The following CNBD1 variants were observed in gnomAD, a reference collection of about 807,000 sequenced individuals.
CNBD1 encodes cyclic nucleotide-binding domain-containing protein 1.
A neutral mutation model predicts 54.4 loss-of-function variants in CNBD1; 71 were observed. The observed-to-expected ratio is 1.30, with a 90% CI of 1.08 to 1.59. CNBD1 has a LOEUF of 1.59. Ranked by LOEUF, CNBD1 falls within the 40% of genes most tolerant of loss-of-function variation. The pLI is 0.00. For synonymous variants in CNBD1, 182 were observed against 170.7 expected (o/e 1.07, Z -0.51); for missense variants, 659 against 518.0 (o/e 1.27, Z -2.64).
At chr8:87,366,883 T>A (rs1563571726) in intron 10 of CNBD1, among the ~76,000 whole-genome samples, 1 of 152,118 alleles carries the variant, frequency 6.6e-6, no homozygotes, top group Non-Finnish European at 1.5e-5. Flanking sequence ...GTTTTTTCAC[T>A]ATGTGTTTGA....
In CNBD1 at chr8:87,350,089, C is replaced by T. The variant is rs556348652; in HGVS notation, c.1043-1596C>T. 3.3e-4 allele frequency among the ~76,000 whole-genome samples: 50 copies of T among 152,138 alleles called. No individual in the cohort carries two copies. The South Asian group carries it at 5.2e-3, about 16-fold the overall frequency. On this transcript the variant is annotated intron_variant, in intron 8 of 10. Transcript: ENST00000518476. ...GAGCTTCTATGCCTTTCTTTATATC[C>T]TTGCTGATTGACTAAAAGAAGATAC...
intron 6 of CNBD1, among the ~76,000 whole-genome samples, chr8:87,273,842 T>C (rs1239675982): frequency 6.6e-6 from 1 of 151,904 alleles, no homozygotes; most frequent in Non-Finnish European, 1.5e-5. Context: ...TACATATGTA[T>C]TCATGTGCCA....
chr8:86,978,411 A>T (rs142416203), intron 4 of CNBD1, among the ~76,000 whole-genome samples: 1 of 152,032 alleles, frequency 6.6e-6, no homozygotes, highest in Non-Finnish European at 1.5e-5. Flanking sequence ...GTCTGAAAAA[A>T]TTTTTGTCTC....
intron 2 of CNBD1, among the ~76,000 whole-genome samples, chr8:87,395,685 A>T (rs1487195670): frequency 1.3e-5 from 2 of 151,872 alleles, no homozygotes; most frequent in African/African-American, 4.8e-5. Context: ...CATGCATTTT[A>T]GAAGTTCATA....
At chr8:86,955,987 C>T (rs1807757126) in intron 4 of CNBD1, among the ~76,000 whole-genome samples, 1 of 151,984 alleles carries the variant, frequency 6.6e-6, no homozygotes, top group Non-Finnish European at 1.5e-5. Flanking sequence ...GTCTTTAATC[C>T]ATCTTGAATT....
intron 4 of CNBD1, among the ~76,000 whole-genome samples, chr8:86,945,415 T>A (rs16895171): frequency 6.6e-6 from 1 of 152,110 alleles, no homozygotes; most frequent in Non-Finnish European, 1.5e-5. Context: ...AACATCAGGG[T>A]TTTTGCCTTT....
chr8:86,913,120 C>A (rs970139257), intron 3 of CNBD1, among the ~76,000 whole-genome samples: 1 of 151,880 alleles, frequency 6.6e-6, no homozygotes, highest in Non-Finnish European at 1.5e-5. Flanking sequence ...TTACAATAAG[C>A]AAAGGGTAAT....
chr8:87,114,017 ATG>A (rs1205444468), intron 4 of CNBD1, among the ~76,000 whole-genome samples: 1 of 152,208 alleles, frequency 6.6e-6, no homozygotes, highest in Non-Finnish European at 1.5e-5. Context: ...TTAATCTCAC[ATG>A]TAAGAATAAA....
chr8:86,887,427 T>TC, intron 1 of CNBD1, 115 bp from the exon 2 acceptor site: 2 of 665,798 alleles, frequency 3.0e-6, no homozygotes, highest in South Asian at 2.0e-5. Context: ...ATACCTCACT[T>TC]CCATAGTCAC....
At chr8:87,345,044 T>G (rs1480365371) in intron 8 of CNBD1, among the ~76,000 whole-genome samples, 1 of 152,202 alleles carries the variant, frequency 6.6e-6, no homozygotes, top group African/African-American at 2.4e-5. Context: ...TAGTGCACTG[T>G]GCCTTACACA....
At chr8:87,421,584 G>T (rs1807939287) in intron 2 of CNBD1, among the ~76,000 whole-genome samples, 1 of 151,968 alleles carries the variant, frequency 6.6e-6, no homozygotes, top group Non-Finnish European at 1.5e-5. Flanking sequence ...TTTCATCCAT[G>T]TCCCTACAAA....
chr8:87,169,923 G>A (rs986225149), intron 4 of CNBD1, among the ~76,000 whole-genome samples: 1 of 151,970 alleles, frequency 6.6e-6, no homozygotes, highest in South Asian at 2.1e-4. Flanking sequence ...TTTAAGAATT[G>A]TTTTTCCTGT....
chr8:86,888,454 A>G (rs893575856), intron 2 of CNBD1, among the ~76,000 whole-genome samples: 6 of 151,988 alleles, frequency 3.9e-5, no homozygotes, highest in Non-Finnish European at 5.9e-5. Flanking sequence ...CCCGAGACCT[A>G]TTGCCTGATG....
At chr8:87,067,254 T>A (rs879803068) in intron 4 of CNBD1, among the ~76,000 whole-genome samples, 1 of 151,878 alleles carries the variant, frequency 6.6e-6, no homozygotes, top group Non-Finnish European at 1.5e-5. Flanking sequence ...TTCCAGCAAA[T>A]AAACTTGGAA....
At chr8:87,278,491 G>T (rs149760586) in intron 6 of CNBD1, among the ~76,000 whole-genome samples, 2 of 151,454 alleles carry the variant, frequency 1.3e-5, no homozygotes, top group Non-Finnish European at 3.0e-5. Context: ...GAATGCCAGA[G>T]AACAATAACA....
At chr8:87,321,507 A>G (rs556321484) in intron 8 of CNBD1, among the ~76,000 whole-genome samples, 2 of 152,160 alleles carry the variant, frequency 1.3e-5, no homozygotes, top group African/African-American at 2.4e-5. Flanking sequence ...AGAAATATCT[A>G]TTCAAATCTC....
chr8:87,390,482 A>C (rs564882024), intron 2 of CNBD1, among the ~76,000 whole-genome samples: 96 of 152,226 alleles, frequency 6.3e-4, no homozygotes, highest in Non-Finnish European at 9.8e-4. Context: ...CAAAAGAAAC[A>C]TGAAAAAATG....
At chr8:87,340,695 T>A (rs1810047979) in intron 8 of CNBD1, among the ~76,000 whole-genome samples, 1 of 152,152 alleles carries the variant, frequency 6.6e-6, no homozygotes, top group Non-Finnish European at 1.5e-5. Context: ...ATTTGCTTTA[T>A]AAAGTCTGCT....
intron 4 of CNBD1, among the ~76,000 whole-genome samples, chr8:87,016,273 A>C (rs1405234676): frequency 2.0e-5 from 3 of 151,826 alleles, no homozygotes; most frequent in Admixed American, 6.6e-5. Context: ...TTTTCGCACC[A>C]CTGGAAATTT....
Sources: gnomAD v4.1 joint callset for allele counts (sites outside exome capture counted in the v4.1 genomes callset) on GRCh38, gnomAD v4.1.1 for gene constraint, MANE v1.5 for transcripts, NCBI Gene and HGNC (gene_info 2026-07-23, HGNC 2026-07-21) for gene names.